The following SLC25A30 variants were observed in gnomAD, a reference collection of about 807,000 sequenced individuals.
The protein encoded by SLC25A30 is kidney mitochondrial carrier protein 1.
In SLC25A30, 29 loss-of-function variants were observed where a neutral mutation model predicts 42.7. That is an observed-to-expected ratio of 0.68 (90% CI 0.51 to 0.93). The LOEUF (loss-of-function observed/expected upper bound fraction) is 0.93, where lower values mean the gene tolerates loss of function less well. SLC25A30 is among the 40% of genes least tolerant of loss of function. SLC25A30 has a pLI of 0.00. For synonymous variants in SLC25A30, 124 were observed against 131.0 expected, an observed-to-expected ratio of 0.95 and a Z score of 0.37; for missense variants, 300 against 359.7, an observed-to-expected ratio of 0.83 and a Z score of 1.34.
Position 45,404,406 on chromosome 13 carries a change from G to A in SLC25A30, c.314C>T (p.Thr105Ile). 1 of 1,609,968 alleles carries A rather than the reference G, an allele frequency of 6.2e-7. No individual in the cohort carries two copies. Among genetic ancestry groups the A allele is most frequent in the Non-Finnish European group, 8.5e-7 (1 of 1,176,320 alleles). ...RLFIERPEDE[T>I]LPINVICGIL... ...TCCACATATCACATTTATCGGTAGA[G>A]TTTCATCTGTAAACAATGACACATT... Residue 105 changes from threonine to isoleucine, a missense_variant, in exon 5 of 10, where the codon ACT becomes ATT. Physicochemically the swap from Thr to Ile is moderately conservative, Grantham distance 89. Transcript: ENST00000519676.
the SLC25A30 span, among the ~76,000 whole-genome samples, chr13:45,424,829 TATATATATAAAA>T: frequency 4.0e-3 from 207 of 52,364 alleles, 43 homozygotes; most frequent in Non-Finnish European, 6.1e-3. Context: ...TATATAAAAA[TATATATATAAAA>T]ATATATATAA....
intron 6 of SLC25A30, among the ~76,000 whole-genome samples, chr13:45,402,019 CAT>C (rs1228066822): frequency 7.4e-6 from 1 of 134,646 alleles, no homozygotes; most frequent in African/African-American, 2.7e-5. Context: ...AAGATCGTGC[CAT>C]TGCACTCCAG....
At chr13:45,427,632 A>G in the SLC25A30 span, among the ~76,000 whole-genome samples, 1 of 152,176 alleles carries the variant, frequency 6.6e-6, no homozygotes, top group East Asian at 1.9e-4. Flanking sequence ...CCCCATGCAC[A>G]TTAATAAATT....
At chr13:45,397,852 A>T (rs985620142) in intron 8 of SLC25A30, 1 of 981,704 alleles carries the variant, frequency 1.0e-6, no homozygotes, top group Non-Finnish European at 1.2e-6. Flanking sequence ...GAAGGATTGA[A>T]TGAACTCCAC....
At chr13:45,398,868 A>C in intron 8 of SLC25A30, 72 bp downstream of exon 8, 1 of 1,531,592 alleles carries the variant, frequency 6.5e-7, no homozygotes, top group Non-Finnish European at 8.9e-7. Context: ...AGTAGCTTTC[A>C]TAATTTAGTT....
chr13:45,423,349 A>G (rs2137718527), upstream of SLC25A30, among the ~76,000 whole-genome samples: 1 of 151,334 alleles, frequency 6.6e-6, no homozygotes, highest in Admixed American at 6.7e-5. Context: ...AAGTCTGGTG[A>G]GCTGTACTTA....
chr13:45,414,191 C>A lies in SLC25A30; in HGVS notation c.-55-2711G>T, dbSNP rs181168435. ...AAACAACTTTTTGGCCTTTCTCTTCCTTTCCAAAAGGTAGGACTAGATCCC... is the reference window on the plus strand; with the variant it reads ...AAACAACTTTTTGGCCTTTCTCTTCATTTCCAAAAGGTAGGACTAGATCCC... On this transcript the variant is annotated intron_variant, in intron 1 of 9. Transcript: ENST00000519676. Among the ~76,000 whole-genome samples the A allele has an allele frequency of 1.0e-3, 154 of 152,258 alleles. 1 individual carries two copies. Among genetic ancestry groups the A allele is most frequent in the African/African-American group, 3.6e-3 (149 of 41,544 alleles).
At chr13:45,410,605 G>T (rs1055508803) in intron 2 of SLC25A30, among the ~76,000 whole-genome samples, 1 of 152,106 alleles carries the variant, frequency 6.6e-6, no homozygotes, top group Admixed American at 6.5e-5. Context: ...TTGAGCTTGG[G>T]AGTCGAGACC....
the SLC25A30 span, among the ~76,000 whole-genome samples, chr13:45,424,775 T>C: frequency 3.0e-4 from 18 of 59,948 alleles, 4 homozygotes; most frequent in Non-Finnish European, 3.4e-4. Flanking sequence ...TAAATATATA[T>C]ATATAAATAT....
the SLC25A30 span, among the ~76,000 whole-genome samples, chr13:45,433,376 G>A: frequency 3.9e-5 from 6 of 152,234 alleles, no homozygotes; most frequent in African/African-American, 7.2e-5. Flanking sequence ...GTGGCTTTTC[G>A]GAGCGTCAGG....
intron 3 of SLC25A30, among the ~76,000 whole-genome samples, chr13:45,407,961 T>C (rs1352193456): frequency 6.6e-6 from 1 of 152,246 alleles, no homozygotes; most frequent in Non-Finnish European, 1.5e-5. Flanking sequence ...CTAGTCTTCC[T>C]ACATGACAGC....
intron 3 of SLC25A30, among the ~76,000 whole-genome samples, chr13:45,407,835 C>A (rs748493045): frequency 6.6e-6 from 1 of 152,174 alleles, no homozygotes; most frequent in East Asian, 1.9e-4. Context: ...CCCTTCTACC[C>A]GCTTCATGTA....
At chr13:45,421,236 G>A (rs1380399649), upstream of SLC25A30, among the ~76,000 whole-genome samples, 6 of 151,856 alleles carry the variant, frequency 4.0e-5, no homozygotes, top group African/African-American at 7.3e-5. Context: ...AAAATTAGCC[G>A]GGCATGGTGC....
intron 7 of SLC25A30, 53 bp from the exon 8 acceptor site, chr13:45,399,131 A>G: frequency 6.5e-7 from 1 of 1,528,534 alleles, no homozygotes; most frequent in Non-Finnish European, 8.8e-7. Flanking sequence ...ACTGAGCTAC[A>G]ACCACCATCA....
At chr13:45,400,287 T>C (rs1881836048) in intron 7 of SLC25A30, among the ~76,000 whole-genome samples, 1 of 151,640 alleles carries the variant, frequency 6.6e-6, no homozygotes, top group South Asian at 2.1e-4. Context: ...CCGGGTGTGG[T>C]GGCATGCGCC....
At chr13:45,399,177 T>C in intron 7 of SLC25A30, 99 bp from the exon 8 acceptor site, 7 of 1,265,342 alleles carry the variant, frequency 5.5e-6, no homozygotes, top group Non-Finnish European at 7.6e-6. Context: ...ACTATGGGGT[T>C]TTCTTGTTTG....
Position 45,398,923 on chromosome 13 carries a change from C to T in SLC25A30, c.753+17G>A, listed in dbSNP as rs1881642140. ...TATATAATTCACAACCCTGCAGAGA[C>T]AGACATCTGCTCTTACCTGTAACAA... On this transcript the variant is annotated intron_variant, in intron 8 of 9. Transcript: ENST00000519676. 8 of 1,609,852 alleles carry T rather than the reference C, an allele frequency of 5.0e-6. No homozygotes were observed. The highest frequency in any genetic ancestry group is 6.8e-6 in the Non-Finnish European group (8 of 1,178,814).
intron 7 of SLC25A30, among the ~76,000 whole-genome samples, chr13:45,400,049 C>CAT (rs1881805072): frequency 9.7e-6 from 1 of 103,572 alleles, no homozygotes; most frequent in East Asian, 2.2e-4. Flanking sequence ...CACACACACA[C>CAT]ACACACACAC....
chr13:45,396,097 C>T, intron 9 of SLC25A30, 82 bp from the exon 10 acceptor site: 1 of 1,613,506 alleles, frequency 6.2e-7, no homozygotes, highest in Admixed American at 1.7e-5. Context: ...AAATGGCACA[C>T]TTAATAACAA....
Sources: gnomAD v4.1 joint callset for allele counts (sites outside exome capture counted in the v4.1 genomes callset) on GRCh38, gnomAD v4.1.1 for gene constraint, MANE v1.5 for transcripts, NCBI Gene and HGNC (gene_info 2026-07-23, HGNC 2026-07-21) for gene names.